RALGAPA2: variants seen among roughly 807,000 people sequenced by gnomAD.
RALGAPA2 encodes the protein Ral GTPase activating protein catalytic subunit alpha 2.
A neutral mutation model predicts 230.4 loss-of-function variants in RALGAPA2; 139 were observed. The observed-to-expected ratio is 0.60, with a 90% CI of 0.53 to 0.69. The LOEUF is 0.69. Ranked by LOEUF, RALGAPA2 falls within the 30% of genes least tolerant of loss-of-function variation. The pLI is 0.00. For missense variants in RALGAPA2, 2,163 were observed against 2,276.0 expected (o/e 0.95, Z 1.01); for synonymous variants, 847 against 837.8 (o/e 1.01, Z -0.19).
rs187197295 is a variant in RALGAPA2, at chr20:20,685,267, G to A, written c.107-4466C>T. Among the ~76,000 whole-genome samples the A allele has an allele frequency of 6.2e-3, 939 of 152,192 alleles. 3 individuals carry two copies. The highest frequency in any genetic ancestry group is 8.6e-3 in the Non-Finnish European group (588 of 68,014). ...AAAAAATTCAAAGAGAATAAGACCC[G>A]AGGCCCTCAGGGGTGCACAGGTAAA... On this transcript the variant is annotated intron_variant, in intron 1 of 39. Transcript: ENST00000202677.
chr20:20,426,830 G>A (rs2060392244), intron 37 of RALGAPA2, among the ~76,000 whole-genome samples: 1 of 152,206 alleles, frequency 6.6e-6, no homozygotes, highest in Non-Finnish European at 1.5e-5. Flanking sequence ...CTCTGCTGAT[G>A]CTGCATCAAC....
At chr20:20,488,495 T>G (rs2061970177) in intron 36 of RALGAPA2, among the ~76,000 whole-genome samples, 1 of 152,262 alleles carries the variant, frequency 6.6e-6, no homozygotes, top group African/African-American at 2.4e-5. Context: ...CTTCTCTGTA[T>G]CTGCCTGTCT....
rs369521992 is a variant in RALGAPA2, at chr20:20,635,410, T to C, written c.1005+8A>G. 18 of 1,581,410 alleles carry C rather than the reference T, an allele frequency of 1.1e-5. No individual in the cohort carries two copies. The highest frequency in any genetic ancestry group is 1.4e-5 in the Non-Finnish European group (16 of 1,162,676). On this transcript the variant is annotated splice_region_variant and intron_variant, in intron 9 of 39. Coordinates refer to ENST00000202677, the MANE Select transcript of RALGAPA2 (RefSeq NM_020343.4). ...CATTAACAGATAAAAAGATGATGGA[T>C]GGCATACCTGGATGATTTTAGGCAA...
intron 39 of RALGAPA2, among the ~76,000 whole-genome samples, chr20:20,396,174 C>G (rs11087321): frequency 0.22 from 33,396 of 152,234 alleles, 3,910 homozygotes; most frequent in Admixed American, 0.28. Context: ...TCCTAGGTCT[C>G]CACCCTCTGC....
At chr20:20,683,820 G>A (rs1328848842) in intron 1 of RALGAPA2, among the ~76,000 whole-genome samples, 6 of 152,076 alleles carry the variant, frequency 3.9e-5, no homozygotes, top group East Asian at 1.9e-4. Context: ...AGATACACTC[G>A]TCTTAGCCCT....
intron 24 of RALGAPA2, among the ~76,000 whole-genome samples, chr20:20,538,378 T>C (rs1442460901): frequency 1.3e-5 from 2 of 151,508 alleles, no homozygotes; most frequent in Non-Finnish European, 2.9e-5. Flanking sequence ...GCCAGTTGAG[T>C]AGGGAAGAGG....
At chr20:20,522,877 T>C (rs1049494834) in intron 30 of RALGAPA2, among the ~76,000 whole-genome samples, 1 of 152,244 alleles carries the variant, frequency 6.6e-6, no homozygotes, top group Non-Finnish European at 1.5e-5. Context: ...TTGTGGCTAA[T>C]GCCGTTGGCC....
intron 20 of RALGAPA2, among the ~76,000 whole-genome samples, chr20:20,579,397 T>C (rs374189257): frequency 6.6e-6 from 1 of 152,260 alleles, no homozygotes; most frequent in South Asian, 2.1e-4. Flanking sequence ...TGCATTCCAG[T>C]AGAGAAAGAC....
intron 37 of RALGAPA2, among the ~76,000 whole-genome samples, chr20:20,449,279 G>C (rs1459087195): frequency 1.3e-5 from 2 of 152,208 alleles, no homozygotes; most frequent in Non-Finnish European, 2.9e-5. Context: ...CTAGTACACA[G>C]AGAGGCTTTG....
chr20:20,594,949 T>C (rs1217854790), intron 16 of RALGAPA2, among the ~76,000 whole-genome samples: 1 of 152,130 alleles, frequency 6.6e-6, no homozygotes, highest in Non-Finnish European at 1.5e-5. Flanking sequence ...CTCGATCTCC[T>C]GACCTCATGA....
At chr20:20,543,510 G>A (rs1181837949) in intron 24 of RALGAPA2, among the ~76,000 whole-genome samples, 1 of 152,178 alleles carries the variant, frequency 6.6e-6, no homozygotes, top group African/African-American at 2.4e-5. Context: ...ACTGGATTAA[G>A]AAAATGTGGC....
chr20:20,436,454 C>T (rs2060614768), intron 37 of RALGAPA2, among the ~76,000 whole-genome samples: 1 of 152,206 alleles, frequency 6.6e-6, no homozygotes, highest in African/African-American at 2.4e-5. Context: ...TCTTCCAATG[C>T]CATCCCTAAT....
intron 31 of RALGAPA2, among the ~76,000 whole-genome samples, chr20:20,516,211 C>A (rs2062866224): frequency 6.6e-6 from 1 of 152,232 alleles, no homozygotes; most frequent in Non-Finnish European, 1.5e-5. Context: ...CAGACCTGCT[C>A]AACCCTATCC....
intron 9 of RALGAPA2, among the ~76,000 whole-genome samples, chr20:20,631,655 T>C (rs1215183954): frequency 6.6e-6 from 1 of 152,220 alleles, no homozygotes; most frequent in Non-Finnish European, 1.5e-5. Flanking sequence ...AATAACTTGA[T>C]TTTGGATTTC....
intron 10 of RALGAPA2, among the ~76,000 whole-genome samples, chr20:20,621,097 C>T (rs2066306491): frequency 1.3e-5 from 2 of 149,942 alleles, no homozygotes; most frequent in South Asian, 4.2e-4. Context: ...GTCAAGGTCG[C>T]ACCACTGCAC....
rs868064942 is a variant in RALGAPA2 at position 20,601,787 on chromosome 20, G to T, written c.2098C>A (p.Arg700=). The change falls in exon 16 of 40, where the codon CGG becomes AGG. Residue 700 remains arginine (R), a synonymous_variant. Coordinates refer to ENST00000202677, the MANE Select transcript of RALGAPA2 (RefSeq NM_020343.4). Reference sequence around the variant, plus strand: ...GGTTCGGTCACATCTGGGTGGCTCCGCCAGCTGAGAGAAAAGGACCTCCCC... The same window carrying T: ...GGTTCGGTCACATCTGGGTGGCTCCTCCAGCTGAGAGAAAAGGACCTCCCC... ...TVGRSFSLSW[R]SHPDVTEPMR... is the part of the protein sequence containing the mutation. 1 of 1,613,204 alleles carries T rather than the reference G, an allele frequency of 6.2e-7. No individual in the cohort carries two copies. Among genetic ancestry groups the T allele is most frequent in the Non-Finnish European group, 8.5e-7 (1 of 1,179,424 alleles).
In RALGAPA2 at chr20:20,572,778, C is replaced by T. The variant is rs373594978; in HGVS notation, c.2901+97G>A. ...TTGTCTAAATGTACCATTTGTGTTT[C>T]GGAATATGTTCAGTAGTTAACTGAA... On this transcript the variant is annotated intron_variant, in intron 21 of 39. Transcript: ENST00000202677. 941 of 1,031,772 alleles carry T rather than the reference C, an allele frequency of 9.1e-4. 3 individuals carry two copies. Among genetic ancestry groups the T allele is most frequent in the South Asian group, 6.9e-3 (279 of 40,400 alleles). 63.9% of individuals were successfully genotyped at this position (1,031,772 alleles called of 1,614,324 possible). A position where few individuals can be genotyped will look rare whatever the true frequency, so the allele number is the denominator to read the frequency against.
At chr20:20,497,109 T>C (rs910848443) in intron 35 of RALGAPA2, among the ~76,000 whole-genome samples, 1 of 152,220 alleles carries the variant, frequency 6.6e-6, no homozygotes, top group Non-Finnish European at 1.5e-5. Flanking sequence ...GCAAAATGTA[T>C]AGCCAACCCC....
At position 20,435,852 on chromosome 20, in the gene RALGAPA2, T is replaced by C. The variant is rs373281419; in HGVS notation, c.5496-23704A>G. On this transcript the variant is annotated intron_variant, in intron 37 of 39. Coordinates refer to ENST00000202677, the MANE Select transcript of RALGAPA2 (RefSeq NM_020343.4). ...ATCTATGGCCTTTCAGGGACTGCTC[T>C]GGATTGAGCTCACATGGACAAGAAT... Among the ~76,000 whole-genome samples, 4 of 152,332 alleles carry C rather than the reference T, an allele frequency of 2.6e-5. No individual in the cohort carries two copies. In the East Asian group the frequency reaches 5.8e-4, roughly 22 times the overall value.
Sources: gnomAD v4.1 joint callset for allele counts (sites outside exome capture counted in the v4.1 genomes callset) on GRCh38, gnomAD v4.1.1 for gene constraint, MANE v1.5 for transcripts, NCBI Gene and HGNC (gene_info 2026-07-23, HGNC 2026-07-21) for gene names.